Variants in RPH3AL observed in about 807,000 individuals in gnomAD.
The protein encoded by RPH3AL is rab effector Noc2.
RPH3AL carries 38 observed loss-of-function variants against 43.1 expected under a neutral mutation model. The observed-to-expected ratio is 0.88, with a 90% CI of 0.68 to 1.15. RPH3AL has a LOEUF of 1.15. Among genes scored for constraint, RPH3AL ranks in the 50% most tolerant of loss-of-function variants. RPH3AL has a pLI of 0.00. For missense variants in RPH3AL, 462 were observed against 423.2 expected (o/e 1.09, Z -0.81); for synonymous variants, 189 against 176.3 (o/e 1.07, Z -0.57).
At position 246,586 on chromosome 17, in the gene RPH3AL, C is replaced by T. The variant is rs1021101198; in HGVS notation, c.613+525G>A. Among the ~76,000 whole-genome samples the T allele has an allele frequency of 1.3e-5, 2 of 152,018 alleles. No homozygotes were observed. The highest frequency in any genetic ancestry group is 6.6e-5 in the Admixed American group (1 of 15,258). ...ACGGTCCACAACCAGGCGCCCCCAT[C>T]GTTGCCAAGTGGGGCGGCCACCTGA... On this transcript the variant is annotated intron_variant, in intron 7 of 9. Coordinates refer to ENST00000331302, the MANE Select transcript of RPH3AL (RefSeq NM_006987.4). The surrounding 1 kb of genome is among the most constrained non-coding windows in gnomAD (Gnocchi z 4.8).
In RPH3AL at chr17:340,369, C is replaced by CCCGGG. The variant is rs1425072721; in HGVS notation, c.-212-6436_-212-6435insCCCGG. Among the ~76,000 whole-genome samples the CCCGGG allele has an allele frequency of 1.3e-3, 196 of 149,702 alleles. 77 individuals are homozygous for CCCGGG. The highest frequency in any genetic ancestry group is 2.4e-3 in the Admixed American group (35 of 14,754). ...GCCTCCCCACATCCACACTCACTGC[C>CCCGGG]CTGGGCTCAGGCCTCCCCACATCCA... On this transcript the variant is annotated intron_variant, in intron 1 of 9. Transcript: ENST00000331302.
In RPH3AL at chr17:307,249, CCA is replaced by C. The variant is rs1236888674; in HGVS notation, c.351+12169_351+12170del. 2.6e-5 allele frequency among the ~76,000 whole-genome samples: 3 copies of C among 113,800 alleles called. No homozygotes were observed. In the East Asian group the frequency reaches 9.4e-4, roughly 36 times the overall value. 74.7% of individuals were successfully genotyped at this position (113,800 alleles called of 152,430 possible). On this transcript the variant is annotated intron_variant, in intron 5 of 9. Transcript: ENST00000331302. ...AGGTCCATCCCACGGCAGGTCCTCC[CCA>C]CGGCAGGTCCATCCCACGGCAGGTC... is the stretch of plus-strand genomic sequence containing the variant.
intron 1 of RPH3AL, chr17:349,225 G>A (rs2045307763): frequency 1.3e-5 from 2 of 152,124 alleles, no homozygotes; most frequent in Non-Finnish European, 2.9e-5. Flanking sequence ...CTCACTCAGA[G>A]AACTAGGGTA....
Position 264,353 on chromosome 17 carries a change from G to A in RPH3AL, c.439-17068C>T, listed in dbSNP as rs2042271320. Among the ~76,000 whole-genome samples, 1 of 83,050 alleles carries A rather than the reference G, an allele frequency of 1.2e-5. No individual in the cohort carries two copies. The highest frequency in any genetic ancestry group is 1.2e-4 in the Admixed American group (1 of 8,194). 54.5% of individuals were successfully genotyped at this position (83,050 alleles called of 152,430 possible). ...CCCTTCGGAGCCGTGCGCGCTGGAT[G>A]GGGACTCAGAATCCGCAGCACGTTG... On this transcript the variant is annotated intron_variant, in intron 6 of 9. Coordinates refer to ENST00000331302, the MANE Select transcript of RPH3AL (RefSeq NM_006987.4). This position sits in a 1 kb window ranked among gnomAD's most constrained non-coding sequence, Gnocchi z 4.8.
rs1555539853 is a variant in RPH3AL at position 246,137 on chromosome 17, C to A, written c.613+974G>T. ...GCATTACTTTTGTAACAAGAAAAAACAGCCCGAATGACATAAAGATGGTCA... is the reference window on the plus strand; with the variant it reads ...GCATTACTTTTGTAACAAGAAAAAAAAGCCCGAATGACATAAAGATGGTCA... On this transcript the variant is annotated intron_variant, in intron 7 of 9. Coordinates refer to ENST00000331302, the MANE Select transcript of RPH3AL (RefSeq NM_006987.4). This position sits in a 1 kb window ranked among gnomAD's most constrained non-coding sequence, Gnocchi z 4.8. 6.6e-6 allele frequency among the ~76,000 whole-genome samples: 1 copy of A among 152,188 alleles called. No individual in the cohort carries two copies. Among genetic ancestry groups the A allele is most frequent in the Admixed American group, 6.5e-5 (1 of 15,288 alleles).
chr17:350,404 G>C (rs1209459527), intron 1 of RPH3AL, among the ~76,000 whole-genome samples: 1 of 152,040 alleles, frequency 6.6e-6, no homozygotes, highest in Non-Finnish European at 1.5e-5. Flanking sequence ...GAGGTCAAGA[G>C]ATCAAGACCA....
chr17:253,359 G>C (rs1390287823), intron 6 of RPH3AL, among the ~76,000 whole-genome samples: 2 of 152,126 alleles, frequency 1.3e-5, no homozygotes, highest in East Asian at 1.9e-4. Context: ...AAGAGACTAA[G>C]ACACCCCACA....
chr17:299,721 G>A (rs974434391), intron 5 of RPH3AL, among the ~76,000 whole-genome samples: 7 of 152,240 alleles, frequency 4.6e-5, no homozygotes, highest in African/African-American at 1.2e-4. Flanking sequence ...GCACGGGGCC[G>A]CGCCGGACTG....
At chr17:331,388 G>A (rs2044758870) in intron 2 of RPH3AL, 1 of 266,422 alleles carries the variant, frequency 3.8e-6, no homozygotes, top group Non-Finnish European at 6.9e-6. Context: ...CTGATGGCAA[G>A]TCTGTGGCTG....
At chr17:294,866 ACAGAGATGCTGCAGAAATGGACAG>A (rs2043134718) in intron 5 of RPH3AL, among the ~76,000 whole-genome samples, 1 of 55,750 alleles carries the variant, frequency 1.8e-5, no homozygotes, top group Non-Finnish European at 3.6e-5. Context: ...TGTGGGAGGG[ACAGAGATGCTGCAGAAATGGACAG>A]CAGAGGGAAT....
chr17:347,582 C>A (rs985038006), intron 1 of RPH3AL, among the ~76,000 whole-genome samples: 9 of 146,640 alleles, frequency 6.1e-5, no homozygotes, highest in South Asian at 2.2e-4. Context: ...AGACTCTGTT[C>A]AAAAAAAAAA....
At chr17:317,449 C>CTCCACCTCCATTGACCTGCAGTCCCTGTG (rs2044310582) in intron 5 of RPH3AL, among the ~76,000 whole-genome samples, 2 of 114,264 alleles carry the variant, frequency 1.8e-5, no homozygotes, top group Non-Finnish European at 4.2e-5. Flanking sequence ...AGTCCATGTG[C>CTCCACCTCCATTGACCTGCAGTCCCTGTG]CCCCACCTCC....
chr17:314,606 C>G (rs1477154825), intron 5 of RPH3AL, among the ~76,000 whole-genome samples: 1 of 131,788 alleles, frequency 7.6e-6, no homozygotes, highest in Admixed American at 8.0e-5. Flanking sequence ...CTCCACTGAC[C>G]TGTAGTCCCT....
chr17:332,394 C>T (rs564381845), intron 2 of RPH3AL: 9 of 173,522 alleles, frequency 5.2e-5, no homozygotes, highest in African/African-American at 1.7e-4. Context: ...CCCAGGAGCC[C>T]GCCCAGAAGT....
intron 5 of RPH3AL, among the ~76,000 whole-genome samples, chr17:305,397 G>C (rs1221914895): frequency 2.6e-5 from 4 of 152,010 alleles, no homozygotes; most frequent in Admixed American, 2.6e-4. Context: ...TGGCAGCTGC[G>C]GGGGCTGGGG....
intron 1 of RPH3AL, chr17:348,828 T>C (rs2045299081): frequency 1.3e-5 from 2 of 152,150 alleles, no homozygotes; most frequent in African/African-American, 4.8e-5. Flanking sequence ...GGTCAACAAA[T>C]ACTGGGCCCC....
intron 6 of RPH3AL, among the ~76,000 whole-genome samples, chr17:259,102 G>C (rs782307331): frequency 4.6e-5 from 7 of 152,092 alleles, no homozygotes; most frequent in Admixed American, 2.0e-4. Flanking sequence ...TCATTGTAAC[G>C]GGGCCTCGCT....
chr17:335,286 G>A (rs2044922635), intron 1 of RPH3AL, among the ~76,000 whole-genome samples: 2 of 152,142 alleles, frequency 1.3e-5, no homozygotes, highest in African/African-American at 4.8e-5. Flanking sequence ...GGAAGGAGGC[G>A]GCGGACGGAG....
intron 5 of RPH3AL, among the ~76,000 whole-genome samples, chr17:300,097 AGCC>A (rs768272769): frequency 0.18 from 8,305 of 47,154 alleles, 1,301 homozygotes; most frequent in Non-Finnish European, 0.22. Flanking sequence ...GGGCTGGCCC[AGCC>A]TAGGCCCGCA....
Sources: allele counts gnomAD v4.1 joint callset (sites outside exome capture counted in the v4.1 genomes callset), GRCh38; gene constraint gnomAD v4.1.1; non-coding constraint Gnocchi (gnomAD v3.1); transcripts MANE v1.5; gene names NCBI Gene and HGNC (gene_info 2026-07-23, HGNC 2026-07-21).